DLG4: variants seen among roughly 807,000 people sequenced by gnomAD.
DLG4 encodes the protein discs large MAGUK scaffold protein 4, also known as disks large homolog 4.
A neutral mutation model predicts 93.8 loss-of-function variants in DLG4; 7 were observed. The ratio of observed to expected loss-of-function variants is 0.07; its 90% CI spans 0.04 to 0.14. The LOEUF (loss-of-function observed/expected upper bound fraction) is 0.14. Ranked by LOEUF, DLG4 falls within the 10% of genes least tolerant of loss-of-function variation. The pLI is 1.00. For synonymous variants in DLG4, 341 were observed against 387.6 expected (o/e 0.88, Z 1.41); for missense variants, 545 against 992.9 (o/e 0.55, Z 6.06).
In DLG4 at chr17:7,194,392, C is replaced by T; in HGVS notation, c.1405G>A (p.Glu469Lys). ...VLHVIDASDE[E>K]WWQARRVHSD... is the part of the protein sequence containing the mutation. ...TGGACCCGCCGTGCCTGCCACCACTCCTCATCACTAGCATCGATGACATGC... is the reference window on the plus strand; with the variant it reads ...TGGACCCGCCGTGCCTGCCACCACTTCTCATCACTAGCATCGATGACATGC... The change falls in exon 12 of 20, where the codon GAG becomes AAG. Residue 469 changes from glutamate (E) to lysine (K), a missense_variant. Around this residue, in one of 5 missense-constraint regions of DLG4, gnomAD observed 428 missense variants for 741.4 expected, o/e 0.58. Transcript: ENST00000399506. This position sits in a 1 kb window ranked among gnomAD's most constrained non-coding sequence, Gnocchi z 4.4. 1 of 1,613,200 alleles carries T rather than the reference C, an allele frequency of 6.2e-7. No homozygotes were observed. The highest frequency in any genetic ancestry group is 2.2e-5 in the East Asian group (1 of 44,858).
At chr17:7,192,023 C>T (rs372407950) in intron 17 of DLG4, 21 bp from the exon 18 acceptor site, 12 of 1,223,824 alleles carry the variant, frequency 9.8e-6, no homozygotes, top group African/African-American at 4.8e-5. Flanking sequence ...GCAGGGTGGG[C>T]GGAGGGGGGC....
chr17:7,190,470 AAGG>A lies in DLG4; in HGVS notation c.*235_*237del. 1.9e-6 allele frequency: 1 copy of A among 537,184 alleles called. No individual in the cohort carries two copies. The highest frequency in any genetic ancestry group is 3.4e-6 in the Non-Finnish European group (1 of 298,412). The allele number at this position is 537,184 out of a possible 1,614,324, so 33.3% of individuals were successfully genotyped here. A position where few individuals can be genotyped will look rare whatever the true frequency, so the allele number is the denominator to read the frequency against. ...ATCCTAAGGAGCAAGGGCTCGGAAC[AAGG>A]AGCCCAGCTCCCCCCCAGACCCCAG... On this transcript the variant is annotated 3_prime_UTR_variant, in exon 20 of 20. Coordinates refer to ENST00000399506, the MANE Select transcript of DLG4 (RefSeq NM_001321075.3).
chr17:7,218,815 G>C, upstream of DLG4: 2 of 1,613,714 alleles, frequency 1.2e-6, no homozygotes, highest in Non-Finnish European at 1.7e-6. Context: ...CCTCCACAAG[G>C]AGCCCTGTTT....
chr17:7,210,904 G>A (rs2142914882), intron 1 of DLG4, among the ~76,000 whole-genome samples: 1 of 152,036 alleles, frequency 6.6e-6, no homozygotes, highest in South Asian at 2.1e-4. Flanking sequence ...TTTTATCTCA[G>A]CGAGCCCCCA....
intron 8 of DLG4, among the ~76,000 whole-genome samples, chr17:7,200,430 A>G (rs1438078411): frequency 3.9e-5 from 6 of 152,062 alleles, no homozygotes; most frequent in Non-Finnish European, 4.4e-5. Context: ...TCTATTTCTA[A>G]TAATTTTATA....
chr17:7,194,652 T>C lies in DLG4; in HGVS notation c.1302-157A>G, dbSNP rs565502420. Among the ~76,000 whole-genome samples the C allele has an allele frequency of 2.0e-5, 3 of 152,294 alleles. No homozygotes were observed. Among genetic ancestry groups the C allele is most frequent in the South Asian group, 4.1e-4 (2 of 4,824 alleles). On this transcript the variant is annotated intron_variant, in intron 11 of 19. Transcript: ENST00000399506. This position sits in a 1 kb window ranked among gnomAD's most constrained non-coding sequence, Gnocchi z 4.4. ...AACTGTGTGGGGACCAAACGCTGAC[T>C]ATAACTCATAACAACTATTAGCCAT...
rs1400017893 is a variant in DLG4 at position 7,195,834 on chromosome 17, G to A, written c.1301+386C>T. ...GAGAGACGGGGGCAGGCACCACAGA[G>A]CTGCGGCCCACGTCTCCGGGACTGC... On this transcript the variant is annotated intron_variant, in intron 11 of 19. Coordinates refer to ENST00000399506, the MANE Select transcript of DLG4 (RefSeq NM_001321075.3). The surrounding 1 kb of genome is among the most constrained non-coding windows in gnomAD (Gnocchi z 4.3). Among the ~76,000 whole-genome samples, 9 of 152,198 alleles carry A rather than the reference G, an allele frequency of 5.9e-5. No individual in the cohort carries two copies. Among genetic ancestry groups the A allele is most frequent in the African/African-American group, 2.2e-4 (9 of 41,446 alleles).
In DLG4 at chr17:7,194,609, G is replaced by C; in HGVS notation, c.1302-114C>G. 8.5e-7 allele frequency: 1 copy of C among 1,172,210 alleles called. No individual in the cohort carries two copies. The highest frequency in any genetic ancestry group is 1.5e-5 in the African/African-American group (1 of 64,648). 72.6% of individuals were successfully genotyped at this position (1,172,210 alleles called of 1,614,324 possible). On this transcript the variant is annotated intron_variant, in intron 11 of 19. Transcript: ENST00000399506. The surrounding 1 kb of genome is among the most constrained non-coding windows in gnomAD (Gnocchi z 4.4). ...CAGATGGCACTCCCATGGGAGCTATGGATGCCGAGGAACCCAAAACTGTGT... is the reference window on the plus strand; with the variant it reads ...CAGATGGCACTCCCATGGGAGCTATCGATGCCGAGGAACCCAAAACTGTGT...
At chr17:7,215,792 C>T (rs1236441013) in intron 1 of DLG4, among the ~76,000 whole-genome samples, 1 of 151,986 alleles carries the variant, frequency 6.6e-6, no homozygotes, top group African/African-American at 2.4e-5. Flanking sequence ...GTGTCCTCAG[C>T]TCCCTCCCAT....
chr17:7,196,437 T>A lies in DLG4; in HGVS notation c.1186+36A>T. On this transcript the variant is annotated intron_variant, in intron 10 of 19. Coordinates refer to ENST00000399506, the MANE Select transcript of DLG4 (RefSeq NM_001321075.3). The surrounding 1 kb of genome is among the most constrained non-coding windows in gnomAD (Gnocchi z 8.3). ...GCTGAGGAAGAGTTCTAAGGGCCAT[T>A]TCAGCTCACAAGACAAGGAACTTCC... 6.2e-7 allele frequency: 1 copy of A among 1,612,220 alleles called. No homozygotes were observed. Among genetic ancestry groups the A allele is most frequent in the Non-Finnish European group, 8.5e-7 (1 of 1,178,294 alleles).
chr17:7,206,655 C>T (rs2070478448), intron 2 of DLG4, among the ~76,000 whole-genome samples: 1 of 152,182 alleles, frequency 6.6e-6, no homozygotes, highest in Admixed American at 6.6e-5. Context: ...GTCTCCAGGG[C>T]CTTCCTTTCC....
At position 7,203,968 on chromosome 17, in the gene DLG4, C is replaced by T. The variant is rs373339; in HGVS notation, c.210+40G>A. 7,035 of 1,603,206 alleles carry T rather than the reference C, an allele frequency of 4.4e-3. 274 individuals are homozygous for T. In the African/African-American group the frequency reaches 0.08, roughly 18 times the overall value. On this transcript the variant is annotated intron_variant, in intron 4 of 19. Transcript: ENST00000399506. This position sits in a 1 kb window ranked among gnomAD's most constrained non-coding sequence, Gnocchi z 7.2. ...CACATGGCAGAAAGAAAGGTACAGA[C>T]GGGAGGCCACGGGGACTGCCGATGG...
rs555519797 is a variant in DLG4 at position 7,187,621 on chromosome 17, T to C, written c.*3087A>G. 6.6e-6 allele frequency among the ~76,000 whole-genome samples: 1 copy of C among 152,148 alleles called. No individual in the cohort carries two copies. Among genetic ancestry groups the C allele is most frequent in the Non-Finnish European group, 1.5e-5 (1 of 68,020 alleles). Reference sequence around the variant, plus strand: ...TTCTACCCCATCCAGGTCAAATATGTGATTCTGCCCCTTCTAGTTTAACAC... The same window carrying C: ...TTCTACCCCATCCAGGTCAAATATGCGATTCTGCCCCTTCTAGTTTAACAC... On this transcript the variant is annotated 3_prime_UTR_variant, in exon 20 of 20. Coordinates refer to ENST00000399506, the MANE Select transcript of DLG4 (RefSeq NM_001321075.3).
chr17:7,191,982 A>G lies in DLG4; in HGVS notation c.1887T>C (p.Asp629=). The change falls in exon 18 of 20, where the codon GAT becomes GAC. Residue 629 remains aspartate, a synonymous_variant. Transcript: ENST00000399506. The surrounding 1 kb of genome is among the most constrained non-coding windows in gnomAD (Gnocchi z 6.6). The stretch of plus-strand genomic sequence containing the variant: ...GCCGCCGCACGGCATTGGCCGAGAC[A>G]TCGAGGATGCAGTGCTTCCCCTGGG... The part of the protein sequence containing the change: ...VAEQGKHCIL[D]VSANAVRRLQ... 6.8e-7 allele frequency: 1 copy of G among 1,460,510 alleles called. No individual in the cohort carries two copies. The highest frequency in any genetic ancestry group is 2.6e-5 in the East Asian group (1 of 38,756). The allele number at this position is 1,460,510 out of a possible 1,614,324, so 90.5% of individuals were successfully genotyped here.
In DLG4 at chr17:7,208,239, T is replaced by G; in HGVS notation, c.31A>C (p.Lys11Gln). The change falls in exon 2 of 20, where the codon AAA becomes CAA. Residue 11 changes from lysine (K) to glutamine (Q), a missense_variant and splice_region_variant. Transcript: ENST00000399506. The surrounding 1 kb of genome is among the most constrained non-coding windows in gnomAD (Gnocchi z 5.4). The stretch of plus-strand genomic sequence containing the variant: ...GTGTCTTCATCTTGGTAGCGGTATT[T>G]CTGGGGATGGGGACGGAGGTGTCAC... MDCLCIVTTK[K>Q]YRYQDEDTPP... is the part of the protein sequence containing the mutation. 1 of 1,312,730 alleles carries G rather than the reference T, an allele frequency of 7.6e-7. No individual in the cohort carries two copies. Among genetic ancestry groups the G allele is most frequent in the Non-Finnish European group, 9.8e-7 (1 of 1,021,606 alleles). The allele number at this position is 1,312,730 out of a possible 1,614,324, so 81.3% of individuals were successfully genotyped here.
chr17:7,204,105 A>G (rs2070323330), intron 3 of DLG4, 38 bp from the exon 4 acceptor site: 1 of 1,602,350 alleles, frequency 6.2e-7, no homozygotes, highest in Non-Finnish European at 8.5e-7. Flanking sequence ...TGAGACAGAC[A>G]TTCCTGTCTG....
intron 8 of DLG4, among the ~76,000 whole-genome samples, chr17:7,197,946 A>G (rs2069886446): frequency 6.6e-6 from 1 of 152,202 alleles, no homozygotes; most frequent in South Asian, 2.1e-4. Context: ...TGTATACTTC[A>G]TAGGTAGCGC....
In DLG4 at chr17:7,208,058, C is replaced by G; in HGVS notation, c.96+116G>C. ...TCCGAGGGCCGCACTGGGGAGGGGG[C>G]CACCAGGGTCTCCTACCTTGAAGGG... On this transcript the variant is annotated intron_variant, in intron 2 of 19. Coordinates refer to ENST00000399506, the MANE Select transcript of DLG4 (RefSeq NM_001321075.3). This position sits in a 1 kb window ranked among gnomAD's most constrained non-coding sequence, Gnocchi z 5.4. The G allele has an allele frequency of 7.7e-7, 1 of 1,303,872 alleles. No homozygotes were observed. Among genetic ancestry groups the G allele is most frequent in the South Asian group, 3.1e-5 (1 of 32,416 alleles). The allele number at this position is 1,303,872 out of a possible 1,614,324, so 80.8% of individuals were successfully genotyped here.
At chr17:7,211,207 C>A (rs2070692989) in intron 1 of DLG4, among the ~76,000 whole-genome samples, 1 of 151,546 alleles carries the variant, frequency 6.6e-6, no homozygotes, top group Non-Finnish European at 1.5e-5. Flanking sequence ...ACCTCTCAGT[C>A]TTGGATTACA....
Sources: gnomAD v4.1 joint callset for allele counts (sites outside exome capture counted in the v4.1 genomes callset) on GRCh38, gnomAD v4.1.1 for gene constraint, gnomAD v4.1.1 regional missense constraint, Gnocchi (gnomAD v3.1) non-coding constraint, MANE v1.5 for transcripts, NCBI Gene and HGNC (gene_info 2026-07-23, HGNC 2026-07-21) for gene names.